ARF1: variants seen among roughly 807,000 people sequenced by gnomAD.
The protein encoded by ARF1 is ADP-ribosylation factor 1.
A neutral mutation model predicts 18.0 loss-of-function variants in ARF1; 1 was observed. The ratio of observed to expected loss-of-function variants is 0.06; its 90% confidence interval spans 0.02 to 0.26. The LOEUF is 0.26. Among genes scored for constraint, ARF1 ranks in the 10% least tolerant of loss-of-function variants. The probability of loss-of-function intolerance (pLI) is 1.00; values close to 1 mark genes in which losing one functional copy is unlikely to be tolerated. For synonymous variants in ARF1, 112 were observed against 96.3 expected (o/e 1.16, Z -0.95); for missense variants, 73 against 247.2 (o/e 0.30, Z 4.73).
chr1:228,089,643 C>T lies in ARF1; in HGVS notation c.-38+6878C>T, dbSNP rs938171260. ...TGCATTAATTTTCTTTAACCTGGTGCGGAGAAGCTACAAGGGCCCCACCCC... is the reference window on the plus strand; with the variant it reads ...TGCATTAATTTTCTTTAACCTGGTGTGGAGAAGCTACAAGGGCCCCACCCC... On this transcript the variant is annotated intron_variant, in intron 1 of 4. Transcript: ENST00000272102. This position sits in a 1 kb window ranked among gnomAD's most constrained non-coding sequence, Gnocchi z 4.1. Among the ~76,000 whole-genome samples, 7 of 152,172 alleles carry T rather than the reference C, an allele frequency of 4.6e-5. No homozygotes were observed. Among genetic ancestry groups the T allele is most frequent in the Admixed American group, 3.9e-4 (6 of 15,282 alleles).
At chr1:228,085,939 C>A (rs893551380) in intron 1 of ARF1, among the ~76,000 whole-genome samples, 3 of 152,174 alleles carry the variant, frequency 2.0e-5, no homozygotes, top group Non-Finnish European at 4.4e-5. Context: ...TCTTTTTGTA[C>A]CCTAATGAGT....
chr1:228,097,328 C>T lies in ARF1; in HGVS notation c.149-14C>T, dbSNP rs202149186. The T allele has an allele frequency of 1.2e-6, 2 of 1,613,004 alleles. No individual in the cohort carries two copies. Among genetic ancestry groups the T allele is most frequent in the Non-Finnish European group, 1.7e-6 (2 of 1,179,370 alleles). On this transcript the variant is annotated splice_polypyrimidine_tract_variant and intron_variant, in intron 2 of 4. Coordinates refer to ENST00000272102, the MANE Select transcript of ARF1 (RefSeq NM_001658.4). The surrounding 1 kb of genome is among the most constrained non-coding windows in gnomAD (Gnocchi z 8.1). ...GGCCAAGGTACAAGGCCTCACCCTG[C>T]ATCCCGCACCCAGGCTTCAACGTGG...
At chr1:228,094,109 C>T (rs2124852546) in intron 1 of ARF1, among the ~76,000 whole-genome samples, 1 of 150,604 alleles carries the variant, frequency 6.6e-6, no homozygotes, top group African/African-American at 2.4e-5. Context: ...GGATCACGGA[C>T]AGTGCTGGGG....
chr1:228,085,257 G>T (rs762542885), intron 1 of ARF1, among the ~76,000 whole-genome samples: 18 of 152,234 alleles, frequency 1.2e-4, no homozygotes, highest in Non-Finnish European at 2.4e-4. Flanking sequence ...GGGATTCCAG[G>T]ACTTGCCTTC....
chr1:228,085,554 C>G (rs949351561), intron 1 of ARF1, among the ~76,000 whole-genome samples: 4 of 152,214 alleles, frequency 2.6e-5, no homozygotes, highest in African/African-American at 9.6e-5. Flanking sequence ...TCCTGGTTTC[C>G]TGGTTCTCAC....
At position 228,097,088 on chromosome 1, in the gene ARF1, C is replaced by T. The variant is rs2032771253; in HGVS notation, c.-27C>T. ...ACCTTGTCTCTCCAGGTGTCCCTGG[C>T]CAGTGTCCTTCCACCTGTCCACAAG... On this transcript the variant is annotated 5_prime_UTR_variant, in exon 2 of 5. Transcript: ENST00000272102. This position sits in a 1 kb window ranked among gnomAD's most constrained non-coding sequence, Gnocchi z 8.1. The T allele has an allele frequency of 6.3e-7, 1 of 1,575,088 alleles. No individual in the cohort carries two copies. Among genetic ancestry groups the T allele is most frequent in the African/African-American group, 1.3e-5 (1 of 74,158 alleles).
chr1:228,085,464 C>T (rs909974256), intron 1 of ARF1, among the ~76,000 whole-genome samples: 6 of 152,222 alleles, frequency 3.9e-5, no homozygotes, highest in African/African-American at 1.4e-4. Flanking sequence ...CAGGTCCTCC[C>T]CCAGGGTCCT....
At chr1:228,087,680 G>C (rs1312939942) in intron 1 of ARF1, among the ~76,000 whole-genome samples, 1 of 152,096 alleles carries the variant, frequency 6.6e-6, no homozygotes, top group Non-Finnish European at 1.5e-5. Context: ...CTGAGGACCT[G>C]GGGGCAGGTT....
intron 1 of ARF1, among the ~76,000 whole-genome samples, chr1:228,093,753 G>A (rs1274040909): frequency 2.6e-5 from 4 of 151,702 alleles, no homozygotes; most frequent in Admixed American, 6.6e-5. Flanking sequence ...GTGAAACCCC[G>A]TCTCTACTAA....
chr1:228,085,230 T>C (rs184971411), intron 1 of ARF1, among the ~76,000 whole-genome samples: 8 of 152,372 alleles, frequency 5.3e-5, no homozygotes, highest in African/African-American at 1.9e-4. Context: ...TTGGAAAAGA[T>C]TTGGCCCCTT....
intron 1 of ARF1, among the ~76,000 whole-genome samples, chr1:228,087,930 A>G (rs2032458780): frequency 6.6e-6 from 1 of 152,242 alleles, no homozygotes; most frequent in South Asian, 2.1e-4. Flanking sequence ...GCACATCTGC[A>G]GATGTGTACA....
At chr1:228,092,358 GGT>G (rs959523615) in intron 1 of ARF1, among the ~76,000 whole-genome samples, 2 of 152,166 alleles carry the variant, frequency 1.3e-5, no homozygotes, top group African/African-American at 4.8e-5. Flanking sequence ...TGAGGTGGGA[GGT>G]TCGCTTGAGC....
intron 1 of ARF1, among the ~76,000 whole-genome samples, chr1:228,084,393 G>C (rs1456951687): frequency 6.6e-6 from 1 of 152,234 alleles, no homozygotes; most frequent in African/African-American, 2.4e-5. Context: ...GTATCTTGTT[G>C]AAAATAAATC....
In ARF1 at chr1:228,097,941, C is replaced by T. The variant is rs2032806612; in HGVS notation, c.474C>T (p.Thr158=). 24 of 1,614,104 alleles carry T rather than the reference C, an allele frequency of 1.5e-5. No individual in the cohort carries two copies. The highest frequency in any genetic ancestry group is 1.9e-5 in the Non-Finnish European group (22 of 1,180,048). ...ACAGGAACTGGTACATTCAGGCCAC[C>T]TGCGCCACCAGCGGCGACGGGCTCT... is the stretch of plus-strand genomic sequence containing the variant. ...LRHRNWYIQA[T]CATSGDGLYE... is the part of the protein sequence containing the mutation. The change falls in exon 5 of 5, where the codon ACC becomes ACT. Residue 158 remains threonine (T), a synonymous_variant. Coordinates refer to ENST00000272102, the MANE Select transcript of ARF1 (RefSeq NM_001658.4). The surrounding 1 kb of genome is among the most constrained non-coding windows in gnomAD (Gnocchi z 8.1).
chr1:228,094,157 G>A (rs1192449150), intron 1 of ARF1, among the ~76,000 whole-genome samples: 1 of 152,036 alleles, frequency 6.6e-6, no homozygotes, highest in Non-Finnish European at 1.5e-5. Context: ...CCCTTCCCCT[G>A]AGTGGCTGGG....
Position 228,097,107 on chromosome 1 carries a change from C to T in ARF1, c.-8C>T, listed in dbSNP as rs749994289. ...CCCTGGCCAGTGTCCTTCCACCTGT[C>T]CACAAGCATGGGGAACATCTTCGCC... On this transcript the variant is annotated 5_prime_UTR_variant, in exon 2 of 5. Coordinates refer to ENST00000272102, the MANE Select transcript of ARF1 (RefSeq NM_001658.4). This position sits in a 1 kb window ranked among gnomAD's most constrained non-coding sequence, Gnocchi z 8.1. 9 of 1,592,814 alleles carry T rather than the reference C, an allele frequency of 5.7e-6. No individual in the cohort carries two copies. The highest frequency in any genetic ancestry group is 2.2e-5 in the East Asian group (1 of 44,826).
At chr1:228,087,997 C>G (rs2032461368) in intron 1 of ARF1, 1 of 152,222 alleles carries the variant, frequency 6.6e-6, no homozygotes, top group South Asian at 2.1e-4. Context: ...TTGTTTTCTC[C>G]TCTCCTTGGT....
intron 1 of ARF1, among the ~76,000 whole-genome samples, chr1:228,092,803 G>C (rs977403667): frequency 2.6e-5 from 4 of 152,138 alleles, no homozygotes; most frequent in African/African-American, 9.7e-5. Context: ...ATGTGCATCT[G>C]GACCAGTTTG....
chr1:228,097,081 TC>T lies in ARF1; in HGVS notation c.-31del, dbSNP rs2032771029. The T allele has an allele frequency of 6.4e-7, 1 of 1,569,490 alleles. No individual in the cohort carries two copies. The highest frequency in any genetic ancestry group is 1.4e-5 in the African/African-American group (1 of 73,984). On this transcript the variant is annotated 5_prime_UTR_variant, in exon 2 of 5. Transcript: ENST00000272102. This position sits in a 1 kb window ranked among gnomAD's most constrained non-coding sequence, Gnocchi z 8.1. ...ATGGAGCACCTTGTCTCTCCAGGTG[TC>T]CCTGGCCAGTGTCCTTCCACCTGTC...
Sources: gnomAD v4.1 joint callset for allele counts (sites outside exome capture counted in the v4.1 genomes callset) on GRCh38, gnomAD v4.1.1 for gene constraint, Gnocchi (gnomAD v3.1) non-coding constraint, MANE v1.5 for transcripts, NCBI Gene and HGNC (gene_info 2026-07-23, HGNC 2026-07-21) for gene names.